PYROXD1: variants seen among roughly 807,000 people sequenced by gnomAD.
PYROXD1 encodes tRNA ligase complex-associated NAD(P)H dehydrogenase PYROXD1.
PYROXD1 carries 42 observed loss-of-function variants against 62.0 expected under a neutral mutation model. That is an observed-to-expected ratio of 0.68 (90% CI 0.53 to 0.88). The LOEUF is 0.88. PYROXD1 is among the 40% of genes least tolerant of loss of function. PYROXD1 has a pLI of 0.00. For missense variants in PYROXD1, 493 were observed against 604.8 expected (o/e 0.82, Z 1.94); for synonymous variants, 170 against 206.4 (o/e 0.82, Z 1.51).
chr12:21,460,516 C>G (rs141780788), intron 7 of PYROXD1, among the ~76,000 whole-genome samples: 2 of 151,466 alleles, frequency 1.3e-5, no homozygotes, highest in Non-Finnish European at 2.9e-5. Flanking sequence ...CTCTGCCTCC[C>G]GGGTTCAAGC....
intron 7 of PYROXD1, among the ~76,000 whole-genome samples, chr12:21,458,016 T>C (rs1311224320): frequency 6.6e-6 from 1 of 152,158 alleles, no homozygotes; most frequent in Non-Finnish European, 1.5e-5. Context: ...GGCTTCAACT[T>C]CAAGTCACCA....
intron 4 of PYROXD1, among the ~76,000 whole-genome samples, chr12:21,451,483 G>T (rs909119394): frequency 6.6e-6 from 1 of 151,616 alleles, no homozygotes; most frequent in African/African-American, 2.4e-5. Context: ...TATTGGGTGC[G>T]TGCTACTCCT....
At chr12:21,468,457 A>G (rs763778804) in intron 11 of PYROXD1, 49 bp from the exon 12 acceptor site, 4 of 1,544,424 alleles carry the variant, frequency 2.6e-6, no homozygotes, top group South Asian at 2.4e-5. Flanking sequence ...TACCCATTAC[A>G]TTTTCTTTAT....
In PYROXD1 at chr12:21,468,780, TA is replaced by T. The variant is rs1447080465; in HGVS notation, c.*29del. 1.3e-6 allele frequency: 2 copies of T among 1,588,356 alleles called. No individual in the cohort carries two copies. The highest frequency in any genetic ancestry group is 1.4e-5 in the African/African-American group (1 of 74,062). On this transcript the variant is annotated 3_prime_UTR_variant, in exon 12 of 12. Coordinates refer to ENST00000240651, the MANE Select transcript of PYROXD1 (RefSeq NM_024854.5). ...AAATGGAATTTCTTCAGGAATCATATAAAGTTCCAAATGACACCAGAAAAAT... is the reference window on the plus strand; with the variant it reads ...AAATGGAATTTCTTCAGGAATCATATAAGTTCCAAATGACACCAGAAAAAT...
At chr12:21,461,437 C>T (rs900839091) in intron 8 of PYROXD1, among the ~76,000 whole-genome samples, 1 of 152,074 alleles carries the variant, frequency 6.6e-6, no homozygotes, top group Non-Finnish European at 1.5e-5. Flanking sequence ...AAACCTAGAG[C>T]TCTTAAAGGT....
At chr12:21,465,946 T>C (rs1460954625) in intron 10 of PYROXD1, among the ~76,000 whole-genome samples, 1 of 152,208 alleles carries the variant, frequency 6.6e-6, no homozygotes, top group Non-Finnish European at 1.5e-5. Context: ...TTTCTTCTTT[T>C]TGTCAGGTTT....
chr12:21,457,181 A>T, intron 7 of PYROXD1: 1 of 207,492 alleles, frequency 4.8e-6, no homozygotes, highest in South Asian at 6.3e-5. Context: ...AGAATGGTGA[A>T]TTCTTTCCAG....
rs539513762 is a variant in PYROXD1 at position 21,470,084 on chromosome 12, T to C, written c.*1330T>C. ...GATAAGCTCTGAAAATATAGATCCATACATATAAAATATCTATGAAATTCT... is the reference window on the plus strand; with the variant it reads ...GATAAGCTCTGAAAATATAGATCCACACATATAAAATATCTATGAAATTCT... On this transcript the variant is annotated 3_prime_UTR_variant, in exon 12 of 12. Coordinates refer to ENST00000240651, the MANE Select transcript of PYROXD1 (RefSeq NM_024854.5). The C allele has an allele frequency of 4.6e-6, 4 of 875,844 alleles. No individual in the cohort carries two copies. The highest frequency in any genetic ancestry group is 2.7e-5 in the East Asian group (1 of 36,422). 54.3% of individuals were successfully genotyped at this position (875,844 alleles called of 1,614,324 possible). A position where few individuals can be genotyped will look rare whatever the true frequency, so the allele number is the denominator to read the frequency against.
chr12:21,467,814 C>A (rs779640499), intron 11 of PYROXD1, among the ~76,000 whole-genome samples, 196 bp downstream of exon 11: 18 of 151,834 alleles, frequency 1.2e-4, no homozygotes, highest in Non-Finnish European at 2.6e-4. Flanking sequence ...AATTATCCAC[C>A]TTACCACTAT....
intron 10 of PYROXD1, 152 bp from the exon 11 acceptor site, chr12:21,467,329 C>A: frequency 1.7e-6 from 1 of 578,214 alleles, no homozygotes; most frequent in Non-Finnish European, 2.9e-6. Flanking sequence ...AAAAATCAGT[C>A]TGATTAGTTA....
rs1942841636 is a variant in PYROXD1, at chr12:21,468,370, C to CT, written c.1255-135dup. 4.1e-5 allele frequency: 30 copies of CT among 732,240 alleles called. No homozygotes were observed. In the East Asian group the frequency reaches 8.1e-4, roughly 20 times the overall value. 45.4% of individuals were successfully genotyped at this position (732,240 alleles called of 1,614,324 possible). The stretch of plus-strand genomic sequence containing the variant: ...CTGTTGAAACATTTTCTTTGGGACT[C>CT]TCCCCAATAACATTTTTAGTTATGA... On this transcript the variant is annotated intron_variant, in intron 11 of 11. Transcript: ENST00000240651.
chr12:21,453,957 G>C (rs923856390), intron 5 of PYROXD1, among the ~76,000 whole-genome samples: 1 of 151,804 alleles, frequency 6.6e-6, no homozygotes, highest in African/African-American at 2.4e-5. Flanking sequence ...TCCACTTTCC[G>C]CTGGTCAGTA....
rs1942893096 is a variant in PYROXD1, at chr12:21,469,950, T to G, written c.*1196T>G. On this transcript the variant is annotated 3_prime_UTR_variant, in exon 12 of 12. Transcript: ENST00000240651. ...TTGTATGAACTTATTCTCAAATATTTTACATTTAAAGGGTTTTACATAAAA... is the reference window on the plus strand; with the variant it reads ...TTGTATGAACTTATTCTCAAATATTGTACATTTAAAGGGTTTTACATAAAA... The G allele has an allele frequency of 5.1e-6, 2 of 393,662 alleles. No homozygotes were observed. Among genetic ancestry groups the G allele is most frequent in the Non-Finnish European group, 8.7e-6 (2 of 229,674 alleles). 24.4% of individuals were successfully genotyped at this position (393,662 alleles called of 1,614,324 possible).
In PYROXD1 at chr12:21,452,041, T is replaced by C. The variant is rs773956064; in HGVS notation, c.415-40T>C. On this transcript the variant is annotated intron_variant, in intron 4 of 11. Transcript: ENST00000240651. ...CCTCATATTTCAGATTATTGCCCAC[T>C]ATTACAAAATACTACCTCATTATTT... is the stretch of plus-strand genomic sequence containing the variant. 3 of 1,194,822 alleles carry C rather than the reference T, an allele frequency of 2.5e-6. No homozygotes were observed. The South Asian group carries it at 4.1e-5, about 16-fold the overall frequency. The allele number at this position is 1,194,822 out of a possible 1,614,324, so 74.0% of individuals were successfully genotyped here. A position where few individuals can be genotyped will look rare whatever the true frequency, so the allele number is the denominator to read the frequency against.
In PYROXD1 at chr12:21,437,927, C is replaced by T; in HGVS notation, c.84+113C>T. ...CTTCTTCCGGGTTCCTTTTTTGCTG[C>T]GCCCTTTTCCGCACTTATTGCTCCC... On this transcript the variant is annotated intron_variant, in intron 1 of 11. Transcript: ENST00000240651. 3 of 917,604 alleles carry T rather than the reference C, an allele frequency of 3.3e-6. No individual in the cohort carries two copies. In the South Asian group the frequency reaches 5.1e-5, roughly 16 times the overall value. 56.8% of individuals were successfully genotyped at this position (917,604 alleles called of 1,614,324 possible).
chr12:21,460,433 ATT>A (rs898390419), intron 7 of PYROXD1, among the ~76,000 whole-genome samples: 17 of 45,972 alleles, frequency 3.7e-4, no homozygotes, highest in African/African-American at 1.3e-3. Context: ...TTATTTATTT[ATT>A]TTTTTTGAGA....
intron 1 of PYROXD1, among the ~76,000 whole-genome samples, chr12:21,438,775 C>T (rs538666278): frequency 6.6e-6 from 1 of 152,284 alleles, no homozygotes; most frequent in African/African-American, 2.4e-5. Context: ...GGAAGAAACT[C>T]AAGTGTTTCC....
At chr12:21,455,691 T>G (rs1277274725) in intron 6 of PYROXD1, among the ~76,000 whole-genome samples, 1 of 151,686 alleles carries the variant, frequency 6.6e-6, no homozygotes, top group African/African-American at 2.4e-5. Context: ...TTGGAGGTGC[T>G]AAAAATATAT....
In PYROXD1 at chr12:21,470,069, G is replaced by A. The variant is rs1230661434; in HGVS notation, c.*1315G>A. On this transcript the variant is annotated 3_prime_UTR_variant, in exon 12 of 12. Coordinates refer to ENST00000240651, the MANE Select transcript of PYROXD1 (RefSeq NM_024854.5). ...GTTTAGATCTTCAGAGATAAGCTCT[G>A]AAAATATAGATCCATACATATAAAA... The A allele has an allele frequency of 7.4e-6, 5 of 671,968 alleles. No homozygotes were observed. Among genetic ancestry groups the A allele is most frequent in the Middle Eastern group, 8.6e-4 (2 of 2,324 alleles). The allele number at this position is 671,968 out of a possible 1,614,324, so 41.6% of individuals were successfully genotyped here. A position where few individuals can be genotyped will look rare whatever the true frequency, so the allele number is the denominator to read the frequency against.
Sources: gnomAD v4.1 joint callset for allele counts (sites outside exome capture counted in the v4.1 genomes callset) on GRCh38, gnomAD v4.1.1 for gene constraint, MANE v1.5 for transcripts, NCBI Gene and HGNC (gene_info 2026-07-23, HGNC 2026-07-21) for gene names.